OTOG: variants seen among roughly 807,000 people sequenced by gnomAD.
OTOG encodes otogelin.
Under a neutral mutation model 313.8 loss-of-function variants are expected in OTOG, and 296 were observed. That is an observed-to-expected ratio of 0.94 (90% CI 0.86 to 1.04). The LOEUF is 1.04. Ranked by LOEUF, OTOG falls within the 50% of genes least tolerant of loss-of-function variation. The pLI is 0.00. For missense variants in OTOG, 3,948 were observed against 3,840.1 expected, an observed-to-expected ratio of 1.03 and a Z score of -0.74; for synonymous variants, 1,533 against 1,554.9, an observed-to-expected ratio of 0.99 and a Z score of 0.33.
At chr11:17,638,128 C>T (rs1372677501) in intron 47 of OTOG, among the ~76,000 whole-genome samples, 1 of 152,204 alleles carries the variant, frequency 6.6e-6, no homozygotes, top group Non-Finnish European at 1.5e-5. Context: ...CGGGATGTTC[C>T]CCATCAGCAG....
intron 39 of OTOG, among the ~76,000 whole-genome samples, chr11:17,626,239 G>A (rs895456132): frequency 6.6e-6 from 1 of 152,112 alleles, no homozygotes; most frequent in Non-Finnish European, 1.5e-5. Context: ...GCAGTGGCAC[G>A]ATCTTGGCTC....
chr11:17,610,637 T>A lies in OTOG; in HGVS notation c.5337T>A (p.Thr1779=). The A allele has an allele frequency of 6.4e-7, 1 of 1,550,576 alleles. No individual in the cohort carries two copies. The highest frequency in any genetic ancestry group is 8.7e-7 in the Non-Finnish European group (1 of 1,146,968). ...TPAAASLSTA[T]DGLAATPFMS... ...CTGCCGCCAGCCTGTCAACAGCCAC[T>A]GATGGGCTGGCAGCCACACCCTTCA... The change falls in exon 36 of 56, where the codon ACT becomes ACA. Residue 1779 remains threonine, a synonymous_variant. Coordinates refer to ENST00000399397, the MANE Select transcript of OTOG (RefSeq NM_001292063.2).
At chr11:17,625,859 T>A (rs1389079469) in intron 39 of OTOG, among the ~76,000 whole-genome samples, 1 of 152,182 alleles carries the variant, frequency 6.6e-6, no homozygotes, top group Admixed American at 6.5e-5. Flanking sequence ...GGGGTATTAT[T>A]CAAGAAATTT....
chr11:17,577,809 G>T lies in OTOG; in HGVS notation c.2606-564G>T, dbSNP rs1590015780. Among the ~76,000 whole-genome samples, 2 of 152,284 alleles carry T rather than the reference G, an allele frequency of 1.3e-5. 1 individual carries two copies. On this transcript the variant is annotated intron_variant, in intron 22 of 55. Coordinates refer to ENST00000399397, the MANE Select transcript of OTOG (RefSeq NM_001292063.2). Reference sequence around the variant, plus strand: ...CCTTTTTATTAATTTTCCTAAAAAAGATCACTCACGCAGTGTGAATGTGCG... The same window carrying T: ...CCTTTTTATTAATTTTCCTAAAAAATATCACTCACGCAGTGTGAATGTGCG...
chr11:17,563,248 G>A (rs2134013637), intron 15 of OTOG, among the ~76,000 whole-genome samples: 1 of 152,352 alleles, frequency 6.6e-6, no homozygotes, highest in Middle Eastern at 3.4e-3. Flanking sequence ...AGTCTGGGCT[G>A]TGCCAAAGCT....
At chr11:17,559,273 C>A (rs1589998165) in intron 11 of OTOG, 112 bp downstream of exon 11, 1 of 1,004,672 alleles carries the variant, frequency 1.0e-6, no homozygotes, top group East Asian at 2.6e-5. Flanking sequence ...GAACTCTCAG[C>A]CCCGAGGTTT....
intron 40 of OTOG, among the ~76,000 whole-genome samples, chr11:17,630,530 C>A (rs1168847563): frequency 6.6e-6 from 1 of 152,198 alleles, no homozygotes; most frequent in African/African-American, 2.4e-5. Flanking sequence ...GAAGTCAGAT[C>A]ATTTATATCT....
intron 23 of OTOG, among the ~76,000 whole-genome samples, chr11:17,579,377 A>G (rs961089101): frequency 3.3e-5 from 5 of 152,156 alleles, no homozygotes; most frequent in African/African-American, 9.7e-5. Context: ...GTCTCAGAGC[A>G]TCCATGGCAG....
intron 35 of OTOG, 21 bp downstream of exon 35, chr11:17,609,230 A>C (rs879504184): frequency 6.7e-5 from 103 of 1,544,284 alleles, no homozygotes; most frequent in Non-Finnish European, 8.7e-5. Flanking sequence ...CAGACTTCTC[A>C]TCCTTCCCTC....
Position 17,574,780 on chromosome 11 carries a change from GCCAGGACCTGGCCAGCCCTGA to G in OTOG, c.2355_2375del (p.Cys785_Glu792delinsTrp). ...TGCGTGGCCCCGTGTGGACGTACCT[GCCAGGACCTGGCCAGCCCTGA>G]GGCCTGTGGGGTTGATGGTGGCGAT... is the stretch of plus-strand genomic sequence containing the variant. On this transcript the variant is annotated inframe_deletion, in exon 20 of 56. Transcript: ENST00000399397. The G allele has an allele frequency of 1.2e-5, 19 of 1,550,738 alleles. No homozygotes were observed. Among genetic ancestry groups the G allele is most frequent in the Non-Finnish European group, 1.7e-5 (19 of 1,147,000 alleles).
intron 35 of OTOG, 76 bp downstream of exon 35, chr11:17,609,285 C>T (rs1853465667): frequency 4.5e-6 from 6 of 1,328,478 alleles, no homozygotes; most frequent in South Asian, 2.6e-5. Flanking sequence ...AGTCATGCCT[C>T]AAAGCTCCCA....
chr11:17,585,239 G>C (rs1852764617), intron 23 of OTOG, among the ~76,000 whole-genome samples: 1 of 152,144 alleles, frequency 6.6e-6, no homozygotes, highest in African/African-American at 2.4e-5. Flanking sequence ...TTTATAGTTT[G>C]TGTCTTTTAA....
intron 33 of OTOG, among the ~76,000 whole-genome samples, chr11:17,606,541 G>A (rs941827173): frequency 2.6e-5 from 4 of 152,188 alleles, no homozygotes; most frequent in African/African-American, 9.6e-5. Context: ...AGGTCTGGGG[G>A]CCAGCAACCT....
chr11:17,609,533 A>T (rs1853471565), intron 35 of OTOG, 122 bp from the exon 36 acceptor site: 2 of 921,292 alleles, frequency 2.2e-6, no homozygotes, highest in South Asian at 3.6e-5. Flanking sequence ...GGCCGTTAGA[A>T]GCTGCCCTCA....
At chr11:17,559,290 C>T (rs1852126465) in intron 11 of OTOG, 129 bp downstream of exon 11, 1 of 960,014 alleles carries the variant, frequency 1.0e-6, no homozygotes, top group Admixed American at 2.8e-5. Flanking sequence ...GTTTTATCGC[C>T]ATGAGAAAGA....
Position 17,640,771 on chromosome 11 carries a change from G to T in OTOG, c.7962G>T (p.Glu2654Asp). The change falls in exon 50 of 56, where the codon GAG becomes GAT. Residue 2654 changes from glutamate to aspartate, a missense_variant. Coordinates refer to ENST00000399397, the MANE Select transcript of OTOG (RefSeq NM_001292063.2). ...HLWEKSQLDE[E>D]FMHSVENVCG... is the part of the protein sequence containing the mutation. ...GGGAGAAATCCCAGCTGGATGAGGA[G>T]TTCATGCACAGCGTGGAGAATGTGT... 6.5e-7 allele frequency: 1 copy of T among 1,550,226 alleles called. No individual in the cohort carries two copies. The highest frequency in any genetic ancestry group is 8.7e-7 in the Non-Finnish European group (1 of 1,147,010).
At position 17,561,800 on chromosome 11, in the gene OTOG, G is replaced by T. The variant is rs1186720528; in HGVS notation, c.1637G>T (p.Cys546Phe). ...ACCGTGACATTGCAGAATGCCCCAT[G>T]TGGCCTGGTAAGAGCTGGGGATCCC... is the stretch of plus-strand genomic sequence containing the variant. ...TFTVTLQNAP[C>F]GLNQDGACVQ... is the part of the protein sequence containing the mutation. Residue 546 changes from cysteine (C) to phenylalanine (F), a missense_variant, in exon 15 of 56, where the codon TGT (cysteine) becomes TTT (phenylalanine). By Grantham distance (205) the Cys-to-Phe change is radical. Coordinates refer to ENST00000399397, the MANE Select transcript of OTOG (RefSeq NM_001292063.2). 1 of 1,550,322 alleles carries T rather than the reference G, an allele frequency of 6.5e-7. No individual in the cohort carries two copies. Among genetic ancestry groups the T allele is most frequent in the East Asian group, 2.4e-5 (1 of 40,912 alleles).
chr11:17,606,603 G>A (rs1565114454), intron 33 of OTOG, among the ~76,000 whole-genome samples: 1 of 152,190 alleles, frequency 6.6e-6, no homozygotes, highest in Non-Finnish European at 1.5e-5. Context: ...GCAACTCCCC[G>A]ACCTTCCACC....
chr11:17,631,867 G>T lies in OTOG; in HGVS notation c.6878G>T (p.Cys2293Phe), dbSNP rs1432833153. The change falls in exon 41 of 56, where the codon TGC becomes TTC. Residue 2293 changes from cysteine to phenylalanine, a missense_variant. Physicochemically the swap from Cys to Phe is radical, Grantham distance 205. Transcript: ENST00000399397. ...CCAGACAGCTGCGCCACAACTGACT[G>T]CTCGCCCTGCCTTCGCATGGTGTCC... is the stretch of plus-strand genomic sequence containing the variant. ...FRPDSCATTD[C>F]SPCLRMVSNR... 3.9e-6 allele frequency: 6 copies of T among 1,550,420 alleles called. No individual in the cohort carries two copies. Among genetic ancestry groups the T allele is most frequent in the African/African-American group, 2.7e-5 (2 of 73,056 alleles).
Sources: gnomAD v4.1 joint callset for allele counts (sites outside exome capture counted in the v4.1 genomes callset) on GRCh38, gnomAD v4.1.1 for gene constraint, MANE v1.5 for transcripts, NCBI Gene and HGNC (gene_info 2026-07-23, HGNC 2026-07-21) for gene names.